Variants in CFAP69 observed in about 807,000 individuals in gnomAD.
The protein encoded by CFAP69 is cilia and flagella associated protein 69, also known as cilia- and flagella-associated protein 69.
In CFAP69, 92 loss-of-function variants were observed where a neutral mutation model predicts 123.0. The observed-to-expected ratio is 0.75, with a 90% CI of 0.63 to 0.89. The LOEUF (loss-of-function observed/expected upper bound fraction) is 0.89, where lower values mean the gene tolerates loss of function less well. CFAP69 is among the 40% of genes least tolerant of loss of function. CFAP69 has a pLI of 0.00. For synonymous variants in CFAP69, 380 were observed against 364.3 expected, an observed-to-expected ratio of 1.04 and a Z score of -0.49; for missense variants, 1,067 against 1,096.9, an observed-to-expected ratio of 0.97 and a Z score of 0.39.
At chr7:90,281,449 A>G (rs1304447167) in intron 12 of CFAP69, among the ~76,000 whole-genome samples, 1 of 152,194 alleles carries the variant, frequency 6.6e-6, no homozygotes, top group Non-Finnish European at 1.5e-5. Flanking sequence ...GTACTGGGTC[A>G]TGGAGAGACC....
rs560786668 is a variant in CFAP69, at chr7:90,295,781, G to A, written c.1776-1968G>A. ...CAGCCCTAAGGACTGCTGGTTGCCC[G>A]TTTGTATGGTTATTTCTTGATGATA... On this transcript the variant is annotated intron_variant, in intron 15 of 22. Transcript: ENST00000389297. 1.1e-3 allele frequency among the ~76,000 whole-genome samples: 169 copies of A among 152,308 alleles called. No homozygotes were observed. In the Middle Eastern group the frequency reaches 0.014, roughly 12 times the overall value.
chr7:90,264,101 AAAAATATATATATATAT>A (rs1798734553), intron 4 of CFAP69, among the ~76,000 whole-genome samples: 3 of 31,854 alleles, frequency 9.4e-5, no homozygotes, highest in African/African-American at 3.1e-4. Context: ...GAAAAAAAAA[AAAAATATATATATATAT>A]ATATATATAT....
chr7:90,306,673 G>A (rs1266614485), intron 19 of CFAP69, among the ~76,000 whole-genome samples: 1 of 152,174 alleles, frequency 6.6e-6, no homozygotes, highest in Admixed American at 6.5e-5. Flanking sequence ...GCATAGGAGA[G>A]CCTTATCCAT....
chr7:90,304,628 T>G, intron 18 of CFAP69, 116 bp from the exon 19 acceptor site: 1 of 1,456,298 alleles, frequency 6.9e-7, no homozygotes, highest in Non-Finnish European at 9.0e-7. Context: ...TAACTTTGCA[T>G]TTGTTTTTAG....
Position 90,245,459 on chromosome 7 carries a change from C to T in CFAP69, c.35C>T (p.Ala12Val). The change falls in exon 1 of 23, where the codon GCC (alanine) becomes GTC (valine). Residue 12 changes from alanine to valine, a missense_variant. Coordinates refer to ENST00000389297, the MANE Select transcript of CFAP69 (RefSeq NM_001039706.3). ...WTEEAGATAE[A>V]QESGIRNKSS... ...GAGGAAGCCGGGGCGACCGCCGAGG[C>T]CCAGGAATCCGGCATCAGGAACAAG... 6.4e-7 allele frequency: 1 copy of T among 1,555,956 alleles called. No homozygotes were observed. Among genetic ancestry groups the T allele is most frequent in the Non-Finnish European group, 8.7e-7 (1 of 1,154,090 alleles).
chr7:90,288,044 A>G (rs1474365636), intron 14 of CFAP69, among the ~76,000 whole-genome samples, 190 bp from the exon 15 acceptor site: 1 of 152,156 alleles, frequency 6.6e-6, no homozygotes, highest in Non-Finnish European at 1.5e-5. Flanking sequence ...GATTAATTTT[A>G]TAATAATTTG....
chr7:90,278,702 A>AT (rs969965753), intron 11 of CFAP69, among the ~76,000 whole-genome samples: 4 of 152,064 alleles, frequency 2.6e-5, no homozygotes, highest in African/African-American at 7.2e-5. Context: ...GAAATCAACA[A>AT]TTTTTATGTG....
In CFAP69 at chr7:90,286,232, T is replaced by G. The variant is rs182003865; in HGVS notation, c.1538-49T>G. On this transcript the variant is annotated intron_variant, in intron 13 of 22. Transcript: ENST00000389297. ...ATTTCCAAACAGTAATTGATCAAAA[T>G]AAAAGTAGTGTCCAATAACTATACA... is the stretch of plus-strand genomic sequence containing the variant. The G allele has an allele frequency of 6.0e-4, 887 of 1,467,402 alleles. 4 individuals carry two copies. In the African/African-American group the frequency reaches 0.011, roughly 19 times the overall value. 90.9% of individuals were successfully genotyped at this position (1,467,402 alleles called of 1,614,324 possible). A position where few individuals can be genotyped will look rare whatever the true frequency, so the allele number is the denominator to read the frequency against.
At chr7:90,277,409 T>A in intron 11 of CFAP69, 75 bp downstream of exon 11, 6 of 1,190,706 alleles carry the variant, frequency 5.0e-6, no homozygotes, top group Non-Finnish European at 5.6e-6. Context: ...AAGTCTTGAC[T>A]GTAAATATTT....
chr7:90,263,650 ACTT>A (rs1179214184), intron 4 of CFAP69, among the ~76,000 whole-genome samples: 1 of 152,156 alleles, frequency 6.6e-6, no homozygotes, highest in Non-Finnish European at 1.5e-5. Context: ...CTAGAAATGA[ACTT>A]CTGTGGCATT....
chr7:90,246,767 C>T (rs955057201), intron 1 of CFAP69, among the ~76,000 whole-genome samples: 11 of 151,262 alleles, frequency 7.3e-5, no homozygotes, highest in Admixed American at 4.6e-4. Context: ...TCTTCCTTTA[C>T]TTGCTCCAAG....
chr7:90,285,746 G>T, intron 13 of CFAP69, among the ~76,000 whole-genome samples: 1 of 152,158 alleles, frequency 6.6e-6, no homozygotes, highest in South Asian at 2.1e-4. Flanking sequence ...ATTTGCAAAG[G>T]CACTCATTTC....
chr7:90,313,339 A>G (rs1331014287), downstream of CFAP69, among the ~76,000 whole-genome samples: 1 of 152,186 alleles, frequency 6.6e-6, no homozygotes, highest in Non-Finnish European at 1.5e-5. Flanking sequence ...TTCATTAGCA[A>G]CCATTTTTTA....
chr7:90,255,344 A>G, intron 1 of CFAP69, 79 bp from the exon 2 acceptor site: 1 of 1,113,526 alleles, frequency 9.0e-7, no homozygotes. Flanking sequence ...AAGGGAAAGT[A>G]TCATATAAAT....
chr7:90,295,453 G>A (rs7786771), intron 15 of CFAP69, among the ~76,000 whole-genome samples: 75,821 of 152,022 alleles, frequency 0.5, 19,872 homozygotes, highest in Non-Finnish European at 0.59. Context: ...CAGTGCTGTC[G>A]TCTCTTTCCT....
At chr7:90,290,137 A>G (rs1790909843) in intron 15 of CFAP69, among the ~76,000 whole-genome samples, 1 of 152,204 alleles carries the variant, frequency 6.6e-6, no homozygotes, top group Non-Finnish European at 1.5e-5. Flanking sequence ...AGAGAGACAG[A>G]ACCAGTAAGA....
At chr7:90,317,026 C>G in the CFAP69 span, 2 of 151,862 alleles carry the variant, frequency 1.3e-5, no homozygotes, top group African/African-American at 4.8e-5. Context: ...AACTGTAATA[C>G]TGCCTCTAGG....
intron 8 of CFAP69, among the ~76,000 whole-genome samples, chr7:90,273,540 C>G (rs1250275924): frequency 1.3e-5 from 2 of 152,004 alleles, no homozygotes; most frequent in Non-Finnish European, 2.9e-5. Flanking sequence ...GAAATATGTT[C>G]AAATGAATAG....
Position 90,297,801 on chromosome 7 carries a change from G to A in CFAP69, c.1828G>A (p.Gly610Ser), listed in dbSNP as rs765575531. 6.4e-7 allele frequency: 1 copy of A among 1,573,972 alleles called. No homozygotes were observed. Among genetic ancestry groups the A allele is most frequent in the Non-Finnish European group, 8.6e-7 (1 of 1,167,800 alleles). ...PSEDYFLEKE[G>S]IFLLLDLLAL... is the part of the protein sequence containing the mutation. ...AGAGGATTATTTTCTTGAAAAGGAA[G>A]GCATTTTTCTCCTTTTGGATTTGTT... Residue 610 changes from glycine to serine, a missense_variant, in exon 16 of 23, where the codon GGC (glycine) becomes AGC (serine). By Grantham distance (56) the Gly-to-Ser change is moderately conservative (BLOSUM62 0). Coordinates refer to ENST00000389297, the MANE Select transcript of CFAP69 (RefSeq NM_001039706.3).
Sources: gnomAD v4.1 joint callset for allele counts (sites outside exome capture counted in the v4.1 genomes callset) on GRCh38, gnomAD v4.1.1 for gene constraint, MANE v1.5 for transcripts, NCBI Gene and HGNC (gene_info 2026-07-23, HGNC 2026-07-21) for gene names.